The following PIK3R6 variants were observed in gnomAD, a reference collection of about 807,000 sequenced individuals.
PIK3R6 encodes the protein phosphoinositide 3-kinase regulatory subunit 6.
PIK3R6 carries 91 observed loss-of-function variants against 84.9 expected under a neutral mutation model. That is an observed-to-expected ratio of 1.07 (90% confidence interval 0.90 to 1.28). The LOEUF (loss-of-function observed/expected upper bound fraction) is 1.28. Among genes scored for constraint, PIK3R6 ranks in the 50% most tolerant of loss-of-function variants. The pLI, the probability that PIK3R6 is intolerant of heterozygous loss-of-function variation, is 0.00. For synonymous variants in PIK3R6, 416 were observed against 411.4 expected, an observed-to-expected ratio of 1.01 and a Z score of -0.13; for missense variants, 996 against 985.1, an observed-to-expected ratio of 1.01 and a Z score of -0.15.
At position 8,803,544 on chromosome 17, in the gene PIK3R6, A is replaced by G; in HGVS notation, c.2109-115T>C. 9.4e-7 allele frequency: 1 copy of G among 1,063,648 alleles called. No homozygotes were observed. Among genetic ancestry groups the G allele is most frequent in the Non-Finnish European group, 1.3e-6 (1 of 753,144 alleles). 65.9% of individuals were successfully genotyped at this position (1,063,648 alleles called of 1,614,324 possible). A position where few individuals can be genotyped will look rare whatever the true frequency, so the allele number is the denominator to read the frequency against. On this transcript the variant is annotated intron_variant, in intron 19 of 19. Transcript: ENST00000619866. This position sits in a 1 kb window ranked among gnomAD's most constrained non-coding sequence, Gnocchi z 5.0. ...CTAGAGCTGTTATTGTAGGGCATAG[A>G]GGAGGCGGCTACACAGAAGAAAGAG... is the stretch of plus-strand genomic sequence containing the variant.
chr17:8,855,609 T>C (rs890127667), intron 1 of PIK3R6, among the ~76,000 whole-genome samples: 1 of 152,198 alleles, frequency 6.6e-6, no homozygotes, highest in African/African-American at 2.4e-5. Flanking sequence ...TTTTAAAAAT[T>C]ATACTTTAAG....
chr17:8,857,423 G>A (rs556630995), intron 1 of PIK3R6, among the ~76,000 whole-genome samples: 3 of 152,124 alleles, frequency 2.0e-5, no homozygotes, highest in Non-Finnish European at 2.9e-5. Context: ...CCTGACGTCC[G>A]CATGCCTTCC....
intron 13 of PIK3R6, among the ~76,000 whole-genome samples, chr17:8,825,940 T>C (rs989196250): frequency 1.3e-5 from 2 of 152,222 alleles, no homozygotes; most frequent in Non-Finnish European, 2.9e-5. Flanking sequence ...TCTCTTACTA[T>C]ATAAAAGCCC....
rs181698587 is a variant in PIK3R6, at chr17:8,855,441, C to T, written c.-91-5556G>A. 2.6e-5 allele frequency among the ~76,000 whole-genome samples: 4 copies of T among 151,888 alleles called. No individual in the cohort carries two copies. In the East Asian group the frequency reaches 7.7e-4, roughly 29 times the overall value. Reference sequence around the variant, plus strand: ...TTTACTAAAAAAGATATGTGGATGGCAAATAAACACATTAAAAAAATGCTC... The same window carrying T: ...TTTACTAAAAAAGATATGTGGATGGTAAATAAACACATTAAAAAAATGCTC... On this transcript the variant is annotated intron_variant, in intron 1 of 19. Coordinates refer to ENST00000619866, the MANE Select transcript of PIK3R6 (RefSeq NM_001010855.4).
rs2087088863 is a variant in PIK3R6, at chr17:8,803,144, G to T, written c.*129C>A. 5 of 1,239,572 alleles carry T rather than the reference G, an allele frequency of 4.0e-6. No individual in the cohort carries two copies. The highest frequency in any genetic ancestry group is 2.2e-5 in the Admixed American group (1 of 45,028). 76.8% of individuals were successfully genotyped at this position (1,239,572 alleles called of 1,614,324 possible). A position where few individuals can be genotyped will look rare whatever the true frequency, so the allele number is the denominator to read the frequency against. On this transcript the variant is annotated 3_prime_UTR_variant, in exon 20 of 20. Coordinates refer to ENST00000619866, the MANE Select transcript of PIK3R6 (RefSeq NM_001010855.4). This position sits in a 1 kb window ranked among gnomAD's most constrained non-coding sequence, Gnocchi z 5.0. ...CAGGGTAGGCTCCCTGTGCTCCCAG[G>T]CACTCGCTGGCTCCTGGTCAAGGCC...
intron 2 of PIK3R6, among the ~76,000 whole-genome samples, chr17:8,841,742 T>C (rs1007774708): frequency 1.3e-5 from 2 of 151,552 alleles, no homozygotes; most frequent in African/African-American, 4.8e-5. Flanking sequence ...AATAAGCAAC[T>C]GACATTTGGG....
Position 8,849,821 on chromosome 17 carries a change from G to A in PIK3R6, c.-27C>T, listed in dbSNP as rs2088900645. ...GGAGCCTTTGGGTGTAGGAGGAGGA[G>A]GATGTGGTTGTCTCGGGCAGCAGAA... is the stretch of plus-strand genomic sequence containing the variant. On this transcript the variant is annotated 5_prime_UTR_variant, in exon 2 of 20. Coordinates refer to ENST00000619866, the MANE Select transcript of PIK3R6 (RefSeq NM_001010855.4). 3 of 1,610,456 alleles carry A rather than the reference G, an allele frequency of 1.9e-6. No individual in the cohort carries two copies. Among genetic ancestry groups the A allele is most frequent in the Non-Finnish European group, 2.5e-6 (3 of 1,178,258 alleles).
chr17:8,852,187 G>A (rs1302007364), intron 1 of PIK3R6, among the ~76,000 whole-genome samples: 1 of 152,156 alleles, frequency 6.6e-6, no homozygotes, highest in Non-Finnish European at 1.5e-5. Context: ...TGATGAGAAG[G>A]TTCTGGAAAT....
Position 8,803,446 on chromosome 17 carries a change from A to C in PIK3R6, c.2109-17T>G. 2 of 1,585,214 alleles carry C rather than the reference A, an allele frequency of 1.3e-6. No individual in the cohort carries two copies. Among genetic ancestry groups the C allele is most frequent in the Non-Finnish European group, 1.7e-6 (2 of 1,167,236 alleles). ...ACCTCGAATCTGTGGGTGGAGAGAG[A>C]CCAGCTCAGGTGACCCATCTGAGGG... On this transcript the variant is annotated splice_polypyrimidine_tract_variant and intron_variant, in intron 19 of 19. Coordinates refer to ENST00000619866, the MANE Select transcript of PIK3R6 (RefSeq NM_001010855.4). This position sits in a 1 kb window ranked among gnomAD's most constrained non-coding sequence, Gnocchi z 5.0.
chr17:8,827,321 C>T lies in PIK3R6; in HGVS notation c.1393-27G>A, dbSNP rs997706073. 3.9e-6 allele frequency: 6 copies of T among 1,545,798 alleles called. No individual in the cohort carries two copies. The African/African-American group carries it at 5.5e-5, about 14-fold the overall frequency. On this transcript the variant is annotated intron_variant, in intron 12 of 19. Coordinates refer to ENST00000619866, the MANE Select transcript of PIK3R6 (RefSeq NM_001010855.4). ...TGGGGGAAAGGGGATGGGGCAGACC[C>T]GTCAGGCCCTCTCTCCAGCTCTGCC...
chr17:8,808,650 C>G (rs966753499), intron 18 of PIK3R6, among the ~76,000 whole-genome samples: 1 of 152,060 alleles, frequency 6.6e-6, no homozygotes, highest in Non-Finnish European at 1.5e-5. Context: ...ATGCAGGAGT[C>G]AAAAACTCAG....
chr17:8,819,344 TC>T, intron 17 of PIK3R6, 146 bp from the exon 18 acceptor site: 1 of 548,030 alleles, frequency 1.8e-6, no homozygotes, highest in South Asian at 2.8e-5. Flanking sequence ...ATCTGCTTGG[TC>T]CCAGCCAAGT....
chr17:8,835,384 C>T lies in PIK3R6; in HGVS notation c.534G>A (p.Ala178=), dbSNP rs369604200. 1.9e-4 allele frequency: 312 copies of T among 1,611,940 alleles called. No homozygotes were observed. Among genetic ancestry groups the T allele is most frequent in the Middle Eastern group, 4.9e-4 (3 of 6,064 alleles). The change falls in exon 8 of 20, where the codon GCG becomes GCA. Residue 178 remains alanine, a synonymous_variant. Coordinates refer to ENST00000619866, the MANE Select transcript of PIK3R6 (RefSeq NM_001010855.4). ...VCSALLLEIE[A]AQAQQTPETC... is the part of the protein sequence containing the mutation. ...TCTCTGGTGTCTGCTGCGCCTGGGC[C>T]GCCTCGATCTCCAGTAGCAGAGCAC...
At chr17:8,821,249 A>G (rs1036578353) in intron 17 of PIK3R6, among the ~76,000 whole-genome samples, 5 of 152,100 alleles carry the variant, frequency 3.3e-5, no homozygotes, top group African/African-American at 1.2e-4. Flanking sequence ...TCCAGTTCTG[A>G]TTCTTCCTCA....
chr17:8,827,087 C>A lies in PIK3R6; in HGVS notation c.1515+85G>T, dbSNP rs2087943228. 9 of 1,480,408 alleles carry A rather than the reference C, an allele frequency of 6.1e-6. No individual in the cohort carries two copies. In the South Asian group the frequency reaches 1.0e-4, roughly 17 times the overall value. The allele number at this position is 1,480,408 out of a possible 1,614,324, so 91.7% of individuals were successfully genotyped here. A position where few individuals can be genotyped will look rare whatever the true frequency, so the allele number is the denominator to read the frequency against. ...TCTCACCCCCATTTCACCCTCGCTG[C>A]CTACTTGGGCTCCTCCGTTCTCCCC... On this transcript the variant is annotated intron_variant, in intron 13 of 19. Transcript: ENST00000619866.
chr17:8,829,345 CAG>C (rs1158706433), intron 10 of PIK3R6, among the ~76,000 whole-genome samples: 3 of 140,558 alleles, frequency 2.1e-5, no homozygotes, highest in Non-Finnish European at 3.1e-5. Context: ...CAAGCACACA[CAG>C]ACACACTGAC....
intron 9 of PIK3R6, among the ~76,000 whole-genome samples, chr17:8,832,604 ATG>A (rs1217764763): frequency 7.0e-6 from 1 of 142,650 alleles, no homozygotes; most frequent in African/African-American, 2.6e-5. Context: ...GGGTTTCCCC[ATG>A]TTGCCTAGGC....
intron 1 of PIK3R6, among the ~76,000 whole-genome samples, chr17:8,858,829 G>T (rs1352628605): frequency 6.6e-6 from 1 of 152,226 alleles, no homozygotes; most frequent in Non-Finnish European, 1.5e-5. Context: ...CCACCGCTCT[G>T]CTGGCCTTTT....
chr17:8,845,806 G>C (rs1256212538), intron 2 of PIK3R6, among the ~76,000 whole-genome samples: 1 of 152,050 alleles, frequency 6.6e-6, no homozygotes, highest in Admixed American at 6.6e-5. Flanking sequence ...AATTAGCTAG[G>C]CGTAATGATG....
Sources: gnomAD v4.1 joint callset for allele counts (sites outside exome capture counted in the v4.1 genomes callset) on GRCh38, gnomAD v4.1.1 for gene constraint, Gnocchi (gnomAD v3.1) non-coding constraint, MANE v1.5 for transcripts, NCBI Gene and HGNC (gene_info 2026-07-23, HGNC 2026-07-21) for gene names.